The following CTSH variants were observed in gnomAD, a reference collection of about 807,000 sequenced individuals.
The protein encoded by CTSH is pro-cathepsin H.
In CTSH, 52 loss-of-function variants were observed where a neutral mutation model predicts 56.3. That is an observed-to-expected ratio of 0.92 (90% CI 0.74 to 1.16). The LOEUF is 1.16. Ranked by LOEUF, CTSH falls within the 50% of genes most tolerant of loss-of-function variation. The pLI is 0.00. For missense variants in CTSH, 406 were observed against 424.5 expected (o/e 0.96, Z 0.38); for synonymous variants, 174 against 155.7 (o/e 1.12, Z -0.88).
intron 1 of CTSH, among the ~76,000 whole-genome samples, chr15:78,943,568 G>T (rs560666894): frequency 6.6e-6 from 1 of 152,118 alleles, no homozygotes; most frequent in Non-Finnish European, 1.5e-5. Flanking sequence ...GGCTACAAAC[G>T]GTTTCTTACA....
intron 2 of CTSH, chr15:78,937,749 C>G: frequency 7.5e-7 from 1 of 1,326,760 alleles, no homozygotes; most frequent in South Asian, 1.2e-5. Flanking sequence ...CAGCAAAGAT[C>G]ACCATTTTTC....
chr15:78,934,760 A>G, intron 5 of CTSH: 1 of 635,212 alleles, frequency 1.6e-6, no homozygotes, highest in Non-Finnish European at 2.9e-6. Context: ...AGTAAACTTT[A>G]GCCCAATAAA....
At chr15:78,927,843 G>T in intron 8 of CTSH, 62 bp from the exon 9 acceptor site, 2 of 1,360,390 alleles carry the variant, frequency 1.5e-6, no homozygotes, top group Non-Finnish European at 1.1e-6. Flanking sequence ...GCCTCCCCAC[G>T]CAGTTCAATA....
chr15:78,941,480 C>T (rs942997772), intron 1 of CTSH, among the ~76,000 whole-genome samples: 3 of 124,812 alleles, frequency 2.4e-5, no homozygotes, highest in Non-Finnish European at 5.1e-5. Context: ...GTGACCCATA[C>T]ATCTGTGAAT....
Position 78,929,425 on chromosome 15 carries a change from G to A in CTSH, c.617C>T (p.Pro206Leu). The change falls in exon 8 of 12, where the codon CCC becomes CTC. Residue 206 changes from proline to leucine, a missense_variant. Pro to Leu is a moderately conservative substitution (Grantham distance 98). Transcript: ENST00000220166. ...NKGIMGEDTY[P>L]YQGKDGYCKF... ...TGTTGGAGTTACCTTGCCCTGGTAGGGGTAGGTGTCTTCACCCATGATCCC... is the reference window on the plus strand; with the variant it reads ...TGTTGGAGTTACCTTGCCCTGGTAGAGGTAGGTGTCTTCACCCATGATCCC... 2.5e-6 allele frequency: 4 copies of A among 1,612,474 alleles called. No individual in the cohort carries two copies. Among genetic ancestry groups the A allele is most frequent in the Non-Finnish European group, 3.4e-6 (4 of 1,179,070 alleles).
Position 78,931,571 on chromosome 15 carries a change from G to A in CTSH, c.493-65C>T, listed in dbSNP as rs1288667858. The A allele has an allele frequency of 8.1e-6, 13 of 1,612,486 alleles. No individual in the cohort carries two copies. In the Middle Eastern group the frequency reaches 5.0e-4, roughly 62 times the overall value. ...AGCCGTCAAGGCTTTGGCGTGAGGC[G>A]CTAAGCCTCCCTGGCTGAGCCACAT... On this transcript the variant is annotated intron_variant, in intron 6 of 11. Transcript: ENST00000220166.
intron 4 of CTSH, 134 bp downstream of exon 4, chr15:78,935,546 C>T: frequency 5.7e-6 from 4 of 698,938 alleles, no homozygotes; most frequent in Non-Finnish European, 9.5e-6. Flanking sequence ...TCTGGTTCCC[C>T]CAAAGAATCT....
chr15:78,944,833 C>A (rs555895645), intron 1 of CTSH, 58 bp downstream of exon 1: 9 of 1,503,712 alleles, frequency 6.0e-6, no homozygotes, highest in Middle Eastern at 1.7e-4. Context: ...GCCAAGTTCT[C>A]CCAGCGTCCA....
chr15:78,941,809 A>AAG (rs1299140949), intron 1 of CTSH, among the ~76,000 whole-genome samples: 1 of 152,028 alleles, frequency 6.6e-6, no homozygotes, highest in Non-Finnish European at 1.5e-5. Context: ...AAAAAAAAAA[A>AAG]AAATTTATTC....
chr15:78,936,438 G>A, intron 3 of CTSH, among the ~76,000 whole-genome samples: 1 of 151,538 alleles, frequency 6.6e-6, no homozygotes, highest in African/African-American at 2.4e-5. Context: ...TATAGGTGTG[G>A]GCCACCACAC....
intron 9 of CTSH, 178 bp from the exon 10 acceptor site, chr15:78,925,618 TC>T: frequency 1.8e-6 from 1 of 551,424 alleles, no homozygotes; most frequent in South Asian, 1.9e-5. Context: ...TGGCCATCTC[TC>T]GTTCCTCTCC....
intron 4 of CTSH, 81 bp from the exon 5 acceptor site, chr15:78,935,163 A>C (rs2141543857): frequency 1.1e-6 from 1 of 933,572 alleles, no homozygotes. Flanking sequence ...GAAATGTATA[A>C]ACATGGAATC....
Position 78,932,369 on chromosome 15 carries a change from T to C in CTSH, c.492+3A>G. 2 of 1,613,810 alleles carry C rather than the reference T, an allele frequency of 1.2e-6. No homozygotes were observed. Among genetic ancestry groups the C allele is most frequent in the Non-Finnish European group, 1.7e-6 (2 of 1,179,706 alleles). On this transcript the variant is annotated splice_donor_region_variant and intron_variant, in intron 6 of 11. Transcript: ENST00000220166. Reference sequence around the variant, plus strand: ...AGGGGGTCGCCTGTGGCTGATTTCTTACCAAGGACAGCATCTTTCCGGTTG... The same window carrying C: ...AGGGGGTCGCCTGTGGCTGATTTCTCACCAAGGACAGCATCTTTCCGGTTG...
chr15:78,943,394 T>A (rs1318121342), intron 1 of CTSH, among the ~76,000 whole-genome samples: 1 of 152,100 alleles, frequency 6.6e-6, no homozygotes, highest in Non-Finnish European at 1.5e-5. Flanking sequence ...CACACCCAGC[T>A]AATTTTTGTA....
intron 3 of CTSH, 78 bp downstream of exon 3, chr15:78,937,240 C>A (rs2141548469): frequency 8.3e-7 from 1 of 1,200,180 alleles, no homozygotes; most frequent in East Asian, 2.3e-5. Context: ...CTCCACCCAC[C>A]AGCCCCCAGC....
In CTSH at chr15:78,932,109, G is replaced by A. The variant is rs567217736; in HGVS notation, c.492+263C>T. On this transcript the variant is annotated intron_variant, in intron 6 of 11. Coordinates refer to ENST00000220166, the MANE Select transcript of CTSH (RefSeq NM_004390.5). Reference sequence around the variant, plus strand: ...CTCCGCCTTTCTGAACCCCTCCGCCGGGAAGGCTCCAGGCTGTCAAGCTAA... The same window carrying A: ...CTCCGCCTTTCTGAACCCCTCCGCCAGGAAGGCTCCAGGCTGTCAAGCTAA... The A allele has an allele frequency of 2.1e-4, 258 of 1,242,614 alleles. No individual in the cohort carries two copies. In the South Asian group the frequency reaches 3.5e-3, roughly 17 times the overall value. The allele number at this position is 1,242,614 out of a possible 1,614,324, so 77.0% of individuals were successfully genotyped here. A position where few individuals can be genotyped will look rare whatever the true frequency, so the allele number is the denominator to read the frequency against.
At chr15:78,944,285 A>G (rs1049596242) in intron 1 of CTSH, among the ~76,000 whole-genome samples, 3 of 152,210 alleles carry the variant, frequency 2.0e-5, no homozygotes, top group African/African-American at 7.2e-5. Flanking sequence ...GGCAGCACGA[A>G]GCTGGACCAG....
intron 3 of CTSH, 42 bp from the exon 4 acceptor site, chr15:78,935,792 G>A: frequency 6.9e-7 from 1 of 1,439,732 alleles, no homozygotes. Flanking sequence ...AATGGTTAGT[G>A]AATCACTAAT....
rs1288052652 is a variant in CTSH, at chr15:78,921,215, C to G, written c.*915G>C. 2 of 152,148 alleles carry G rather than the reference C, an allele frequency of 1.3e-5. No homozygotes were observed. Among genetic ancestry groups the G allele is most frequent in the Non-Finnish European group, 2.9e-5 (2 of 68,040 alleles). 9.4% of individuals were successfully genotyped at this position (152,148 alleles called of 1,614,324 possible). ...AGTCTGTGAGCCATAGGACAAAGAG[C>G]TGGTGGACTCCAGCTTGTTCTACAG... On this transcript the variant is annotated 3_prime_UTR_variant, in exon 12 of 12. Coordinates refer to ENST00000220166, the MANE Select transcript of CTSH (RefSeq NM_004390.5).
Sources: allele counts gnomAD v4.1 joint callset (sites outside exome capture counted in the v4.1 genomes callset), GRCh38; gene constraint gnomAD v4.1.1; transcripts MANE v1.5; gene names NCBI Gene and HGNC (gene_info 2026-07-23, HGNC 2026-07-21).